ZFAND3: variants seen among roughly 807,000 people sequenced by gnomAD.
The protein encoded by ZFAND3 is zinc finger AN1-type containing 3.
A neutral mutation model predicts 29.6 loss-of-function variants in ZFAND3; 10 were observed. That is an observed-to-expected ratio of 0.34 (90% CI 0.21 to 0.57). The LOEUF (loss-of-function observed/expected upper bound fraction) is 0.57, where lower values mean the gene tolerates loss of function less well. Ranked by LOEUF, ZFAND3 falls within the 20% of genes least tolerant of loss-of-function variation. The pLI, the probability that ZFAND3 is intolerant of heterozygous loss-of-function variation, is 0.86. For missense variants in ZFAND3, 230 were observed against 304.5 expected (o/e 0.76, Z 1.82); for synonymous variants, 128 against 112.6 (o/e 1.14, Z -0.87).
chr6:38,002,455 G>A (rs888196043), intron 2 of ZFAND3, among the ~76,000 whole-genome samples: 1 of 151,956 alleles, frequency 6.6e-6, no homozygotes, highest in Non-Finnish European at 1.5e-5. Flanking sequence ...GAGGCGGGCG[G>A]ATTGCTTGAA....
intron 2 of ZFAND3, among the ~76,000 whole-genome samples, chr6:37,944,338 A>T (rs569451821): frequency 1.6e-4 from 24 of 152,308 alleles, no homozygotes; most frequent in African/African-American, 4.6e-4. Flanking sequence ...ATAGATTTTT[A>T]AAAAACCCAT....
intron 2 of ZFAND3, among the ~76,000 whole-genome samples, chr6:38,048,176 T>G (rs116631087): frequency 0.067 from 10,141 of 151,902 alleles, 405 homozygotes; most frequent in Non-Finnish European, 0.087. Flanking sequence ...TGGCCAATTT[T>G]TGTATTTTAT....
At chr6:37,985,147 A>C (rs536530804) in intron 2 of ZFAND3, among the ~76,000 whole-genome samples, 1 of 152,298 alleles carries the variant, frequency 6.6e-6, no homozygotes, top group South Asian at 2.1e-4. Context: ...TGTGATACTC[A>C]AGGGAATTCT....
chr6:37,882,752 G>A (rs911709057), intron 1 of ZFAND3, among the ~76,000 whole-genome samples: 6 of 152,150 alleles, frequency 3.9e-5, no homozygotes, highest in Non-Finnish European at 5.9e-5. Context: ...TGAACAGGGA[G>A]TAGCTGGCCA....
intron 5 of ZFAND3, among the ~76,000 whole-genome samples, chr6:38,117,296 C>A (rs191893679): frequency 1.5e-4 from 21 of 142,130 alleles, no homozygotes; most frequent in Admixed American, 1.2e-3. Context: ...TGAATCCATC[C>A]TCCTGCCTCT....
chr6:38,009,923 C>T (rs902733669), intron 2 of ZFAND3, among the ~76,000 whole-genome samples: 10 of 152,104 alleles, frequency 6.6e-5, no homozygotes, highest in East Asian at 1.9e-4. Flanking sequence ...AATTTGTGGA[C>T]GGTGGGGGCG....
At chr6:37,966,787 T>G (rs2127426762) in intron 2 of ZFAND3, among the ~76,000 whole-genome samples, 1 of 152,314 alleles carries the variant, frequency 6.6e-6, no homozygotes, top group Non-Finnish European at 1.5e-5. Context: ...TCCTCAGGTT[T>G]AATAATATCT....
intron 4 of ZFAND3, among the ~76,000 whole-genome samples, chr6:38,102,485 CAG>C (rs1337033555): frequency 6.6e-6 from 1 of 152,150 alleles, no homozygotes; most frequent in Non-Finnish European, 1.5e-5. Flanking sequence ...GCAAAGGACT[CAG>C]GGCCAGATTA....
chr6:37,955,817 C>T (rs1762077653), intron 2 of ZFAND3, among the ~76,000 whole-genome samples: 2 of 152,084 alleles, frequency 1.3e-5, no homozygotes, highest in African/African-American at 4.8e-5. Context: ...GGAATAGGAG[C>T]AAGGGTGAAA....
At chr6:37,989,542 A>G (rs984567050) in intron 2 of ZFAND3, among the ~76,000 whole-genome samples, 1 of 152,204 alleles carries the variant, frequency 6.6e-6, no homozygotes, top group African/African-American at 2.4e-5. Flanking sequence ...TAGCCCCACA[A>G]GTCACCACTT....
At chr6:37,882,614 A>G (rs540244053) in intron 1 of ZFAND3, among the ~76,000 whole-genome samples, 75 of 94,028 alleles carry the variant, frequency 8.0e-4, no homozygotes, top group Admixed American at 3.3e-3. Context: ...CCCAATCCCC[A>G]CCACCCCCAT....
intron 1 of ZFAND3, among the ~76,000 whole-genome samples, chr6:37,855,123 T>G (rs1179549743): frequency 6.6e-6 from 1 of 151,282 alleles, no homozygotes; most frequent in East Asian, 1.9e-4. Flanking sequence ...AAGGGAGTCA[T>G]TTTGGATTTT....
intron 1 of ZFAND3, among the ~76,000 whole-genome samples, chr6:37,884,054 G>A (rs1764945416): frequency 6.9e-6 from 1 of 145,232 alleles, no homozygotes; most frequent in Non-Finnish European, 1.5e-5. Context: ...TGATGTATGT[G>A]TAGCTCTTAT....
chr6:37,879,333 T>C (rs1480336341), intron 1 of ZFAND3, among the ~76,000 whole-genome samples: 2 of 150,714 alleles, frequency 1.3e-5, no homozygotes, highest in African/African-American at 4.9e-5. Context: ...TTTTGTTTTT[T>C]GTTTTGTTTT....
intron 2 of ZFAND3, among the ~76,000 whole-genome samples, chr6:38,000,782 T>C (rs888238394): frequency 6.6e-6 from 1 of 152,114 alleles, no homozygotes; most frequent in African/African-American, 2.4e-5. Flanking sequence ...AGAAAAGATA[T>C]CAGACCAACA....
At chr6:38,095,397 A>T (rs1034312581) in intron 4 of ZFAND3, among the ~76,000 whole-genome samples, 3 of 152,122 alleles carry the variant, frequency 2.0e-5, no homozygotes, top group Non-Finnish European at 2.9e-5. Context: ...TTTTTAATAC[A>T]GGTCCCCCCA....
At chr6:38,067,795 A>G (rs752906134) in intron 3 of ZFAND3, among the ~76,000 whole-genome samples, 1 of 152,174 alleles carries the variant, frequency 6.6e-6, no homozygotes, top group South Asian at 2.1e-4. Flanking sequence ...AGCTCTTTAT[A>G]CAAGTCAGCT....
chr6:37,918,876 T>C (rs1761316834), intron 1 of ZFAND3, among the ~76,000 whole-genome samples: 1 of 152,056 alleles, frequency 6.6e-6, no homozygotes, highest in Non-Finnish European at 1.5e-5. Flanking sequence ...TCATTCTCAG[T>C]TTAATTCTCA....
At chr6:38,138,810 A>T (rs184463497) in intron 5 of ZFAND3, among the ~76,000 whole-genome samples, 14 of 152,364 alleles carry the variant, frequency 9.2e-5, no homozygotes, top group African/African-American at 3.4e-4. Flanking sequence ...AGAGGTCAAG[A>T]AGATGAAGAG....
Sources: allele counts gnomAD v4.1 joint callset (sites outside exome capture counted in the v4.1 genomes callset), GRCh38; gene constraint gnomAD v4.1.1; transcripts MANE v1.5; gene names NCBI Gene and HGNC (gene_info 2026-07-23, HGNC 2026-07-21).